Variants in ZNF608 observed in about 807,000 individuals in gnomAD.
ZNF608 encodes the protein renal carcinoma antigen NY-REN-36.
In ZNF608, 12 loss-of-function variants were observed where a neutral mutation model predicts 109.0. The observed-to-expected ratio is 0.11, with a 90% CI of 0.07 to 0.18. The LOEUF is 0.18. ZNF608 is among the 10% of genes least tolerant of loss of function. ZNF608 has a pLI of 1.00. For synonymous variants in ZNF608, 732 were observed against 717.4 expected, an observed-to-expected ratio of 1.02 and a Z score of -0.33; for missense variants, 1,707 against 1,879.3, an observed-to-expected ratio of 0.91 and a Z score of 1.70.
At chr5:124,736,772 A>C (rs1355881913) in intron 2 of ZNF608, among the ~76,000 whole-genome samples, 1 of 152,252 alleles carries the variant, frequency 6.6e-6, no homozygotes, top group African/African-American at 2.4e-5. Context: ...AAGGACAAAC[A>C]GTGACTTCCA....
chr5:124,678,421 A>T (rs1301967313), intron 3 of ZNF608, among the ~76,000 whole-genome samples: 1 of 152,204 alleles, frequency 6.6e-6, no homozygotes, highest in African/African-American at 2.4e-5. Flanking sequence ...ACCACCTGGC[A>T]GAGTTTCTTT....
At chr5:124,704,824 A>C (rs1312945072) in intron 2 of ZNF608, among the ~76,000 whole-genome samples, 1 of 152,008 alleles carries the variant, frequency 6.6e-6, no homozygotes, top group African/African-American at 2.4e-5. Context: ...TACTCAGTCG[A>C]GAGAAAACTG....
intron 3 of ZNF608, among the ~76,000 whole-genome samples, chr5:124,667,885 T>C (rs1751545061): frequency 6.6e-6 from 1 of 152,096 alleles, no homozygotes. Context: ...AGTATTCCCA[T>C]GTAGAAGACA....
chr5:124,745,467 A>G (rs1749606094), intron 1 of ZNF608: 1 of 153,662 alleles, frequency 6.5e-6, no homozygotes, highest in Admixed American at 6.5e-5. Context: ...TCAAGTCCAG[A>G]AAGGTTTTTG....
intron 3 of ZNF608, among the ~76,000 whole-genome samples, chr5:124,692,731 C>T (rs1214694750): frequency 6.6e-6 from 1 of 152,194 alleles, no homozygotes; most frequent in Admixed American, 6.5e-5. Flanking sequence ...AGACTCTCCC[C>T]CACTTGCCAG....
intron 3 of ZNF608, among the ~76,000 whole-genome samples, chr5:124,665,408 A>C (rs928610724): frequency 1.3e-5 from 2 of 152,196 alleles, no homozygotes; most frequent in African/African-American, 4.8e-5. Context: ...AAAATAAAGT[A>C]CAACAGAGCC....
intron 3 of ZNF608, among the ~76,000 whole-genome samples, chr5:124,697,766 T>C (rs982174325): frequency 1.1e-4 from 16 of 152,204 alleles, no homozygotes; most frequent in African/African-American, 3.6e-4. Flanking sequence ...AATTAAGTAT[T>C]GAATGGGGAT....
chr5:124,667,005 T>C (rs1310571095), intron 3 of ZNF608, among the ~76,000 whole-genome samples: 1 of 152,108 alleles, frequency 6.6e-6, no homozygotes, highest in African/African-American at 2.4e-5. Context: ...TGAGTAAATA[T>C]GGCCAGTACA....
chr5:124,672,142 A>T (rs1751755992), intron 3 of ZNF608, among the ~76,000 whole-genome samples: 1 of 152,222 alleles, frequency 6.6e-6, no homozygotes, highest in South Asian at 2.1e-4. Flanking sequence ...AACTTGATTT[A>T]ACTCTCTCTC....
At chr5:124,669,536 G>T (rs777319452) in intron 3 of ZNF608, among the ~76,000 whole-genome samples, 1 of 152,172 alleles carries the variant, frequency 6.6e-6, no homozygotes, top group African/African-American at 2.4e-5. Flanking sequence ...TAGGCTGCAA[G>T]GCACTAGCTT....
intron 3 of ZNF608, among the ~76,000 whole-genome samples, chr5:124,695,418 A>G (rs1008212421): frequency 2.0e-5 from 3 of 152,248 alleles, no homozygotes; most frequent in African/African-American, 7.2e-5. Flanking sequence ...CTGCAGAATG[A>G]GAATAACAAT....
rs1199609907 is a variant in ZNF608 at position 124,648,559 on chromosome 5, A to G, written c.1825T>C (p.Cys609Arg). 2 of 1,614,092 alleles carry G rather than the reference A, an allele frequency of 1.2e-6. No individual in the cohort carries two copies. Among genetic ancestry groups the G allele is most frequent in the Non-Finnish European group, 1.7e-6 (2 of 1,180,060 alleles). The change falls in exon 5 of 10, where the codon TGC becomes CGC. Residue 609 changes from cysteine to arginine, a missense_variant. This residue lies in a region of ZNF608 where 1,073 missense variants were observed against 1,133.5 expected (regional missense o/e 0.95). Transcript: ENST00000513986. ...EEGLSNVALECSEPSTSVSAY... is the reference protein window; with the variant it reads ...EEGLSNVALERSEPSTSVSAY... ...GATACACTTGTGCTTGGCTCACTGC[A>G]TTCAAGTGCCACATTACTCAATCCT...
At chr5:124,743,463 C>T (rs1400355952) in intron 2 of ZNF608, among the ~76,000 whole-genome samples, 1 of 152,092 alleles carries the variant, frequency 6.6e-6, no homozygotes, top group African/African-American at 2.4e-5. Context: ...ACCAATGACC[C>T]AACACATCAA....
intron 2 of ZNF608, among the ~76,000 whole-genome samples, chr5:124,701,892 G>A (rs1389956174): frequency 6.6e-6 from 1 of 152,192 alleles, no homozygotes; most frequent in East Asian, 1.9e-4. Context: ...TAAGGGGGGA[G>A]ATAAATGCAT....
rs1260160031 is a variant in ZNF608, at chr5:124,700,889, G to A, written c.1162+125C>T. 8.5e-6 allele frequency: 11 copies of A among 1,293,602 alleles called. No homozygotes were observed. The African/African-American group carries it at 1.3e-4, about 16-fold the overall frequency. 80.1% of individuals were successfully genotyped at this position (1,293,602 alleles called of 1,614,324 possible). A position where few individuals can be genotyped will look rare whatever the true frequency, so the allele number is the denominator to read the frequency against. On this transcript the variant is annotated intron_variant, in intron 3 of 9. Transcript: ENST00000513986. The stretch of plus-strand genomic sequence containing the variant: ...CTTACTTCCAACACAAATCCAGAGA[G>A]CGGAAATAAAAAACACTTTCCATTC...
At chr5:124,660,315 A>G (rs1045816993) in intron 3 of ZNF608, among the ~76,000 whole-genome samples, 2 of 152,184 alleles carry the variant, frequency 1.3e-5, no homozygotes, top group Non-Finnish European at 2.9e-5. Flanking sequence ...AATGTCAGAG[A>G]AACCAGACTC....
At chr5:124,662,308 A>G (rs543111466) in intron 3 of ZNF608, among the ~76,000 whole-genome samples, 19 of 152,350 alleles carry the variant, frequency 1.2e-4, no homozygotes, top group African/African-American at 4.6e-4. Flanking sequence ...TGCGAATCTG[A>G]GCACAAATTT....
chr5:124,735,364 T>TCCCGGCTGCACGCCCCCGGCTGCACGCC (rs142171217), intron 2 of ZNF608, among the ~76,000 whole-genome samples: 3 of 151,708 alleles, frequency 2.0e-5, no homozygotes, highest in African/African-American at 4.8e-5. Context: ...AAGGGCGCGT[T>TCCCGGCTGCACGCCCCCGGCTGCACGCC]CCCGGCTGCA....
chr5:124,683,395 A>T (rs1752278174), intron 3 of ZNF608, among the ~76,000 whole-genome samples: 1 of 152,140 alleles, frequency 6.6e-6, no homozygotes, highest in Non-Finnish European at 1.5e-5. Context: ...ACTCATAATT[A>T]TATTGGAAGT....
Sources: allele counts gnomAD v4.1 joint callset (sites outside exome capture counted in the v4.1 genomes callset), GRCh38; gene constraint gnomAD v4.1.1; regional missense constraint gnomAD v4.1.1; transcripts MANE v1.5; gene names NCBI Gene and HGNC (gene_info 2026-07-23, HGNC 2026-07-21).